AGMO: variants seen among roughly 807,000 people sequenced by gnomAD.
The protein encoded by AGMO is glyceryl-ether monooxygenase.
In AGMO, 75 loss-of-function variants were observed where a neutral mutation model predicts 60.2. The ratio of observed to expected loss-of-function variants is 1.25; its 90% CI spans 1.03 to 1.51. The LOEUF (loss-of-function observed/expected upper bound fraction) is 1.51. Among genes scored for constraint, AGMO ranks in the 40% most tolerant of loss-of-function variants. The pLI is 0.00. For synonymous variants in AGMO, 261 were observed against 177.1 expected (o/e 1.47, Z -3.76); for missense variants, 763 against 525.5 (o/e 1.45, Z -4.42).
chr7:15,359,873 A>G (rs963572255), intron 12 of AGMO, among the ~76,000 whole-genome samples: 2 of 152,246 alleles, frequency 1.3e-5, no homozygotes, highest in African/African-American at 4.8e-5. Context: ...ATAGAAAAAT[A>G]CTATAAATTC....
intron 12 of AGMO, among the ~76,000 whole-genome samples, chr7:15,293,413 T>C (rs1034101539): frequency 1.3e-5 from 2 of 152,092 alleles, no homozygotes; most frequent in African/African-American, 2.4e-5. Flanking sequence ...GTAAGGTGAA[T>C]ATGTGGGTAG....
intron 6 of AGMO, among the ~76,000 whole-genome samples, chr7:15,393,151 G>C (rs1038161419): frequency 1.3e-5 from 2 of 152,196 alleles, no homozygotes; most frequent in Non-Finnish European, 2.9e-5. Context: ...TGACTGTTGA[G>C]TTTGGAAGAG....
At chr7:15,297,652 A>G (rs1784442799) in intron 12 of AGMO, among the ~76,000 whole-genome samples, 1 of 152,172 alleles carries the variant, frequency 6.6e-6, no homozygotes, top group Non-Finnish European at 1.5e-5. Context: ...GAAAAGAAAA[A>G]TATCTAACTA....
At chr7:15,204,959 G>T (rs906618180) in intron 12 of AGMO, among the ~76,000 whole-genome samples, 8 of 151,932 alleles carry the variant, frequency 5.3e-5, no homozygotes, top group African/African-American at 1.9e-4. Context: ...TCCCTAGTTG[G>T]GCCTATAGGG....
chr7:15,180,259 C>CT, the AGMO span, among the ~76,000 whole-genome samples: 2 of 152,198 alleles, frequency 1.3e-5, no homozygotes, highest in South Asian at 4.1e-4. Context: ...GAAGTACAAT[C>CT]TTTAAGTTAT....
At chr7:15,175,349 G>A in the AGMO span, among the ~76,000 whole-genome samples, 1 of 151,760 alleles carries the variant, frequency 6.6e-6, no homozygotes, top group Non-Finnish European at 1.5e-5. Flanking sequence ...ACTCAGAATC[G>A]CCATAGTTAG....
chr7:15,297,896 A>G (rs775689890), intron 12 of AGMO, among the ~76,000 whole-genome samples: 12 of 152,192 alleles, frequency 7.9e-5, no homozygotes, highest in Non-Finnish European at 1.8e-4. Context: ...CAGGAAGGCT[A>G]TTCTTATTGG....
At chr7:15,149,106 GTA>G in the AGMO span, among the ~76,000 whole-genome samples, 1 of 152,022 alleles carries the variant, frequency 6.6e-6, no homozygotes, top group African/African-American at 2.4e-5. Context: ...CATTTTCCAT[GTA>G]TATGTCTTTT....
At position 15,201,356 on chromosome 7, in the gene AGMO, C is replaced by T; in HGVS notation, c.1267G>A (p.Val423Ile). ...VPSLSSAFEI[V>I]FSICIAFWGV... ...CAGAAAGCAATGCAAATGGAAAAAA[C>T]AATCTGAAGAAATAAAACACAAAGA... The change falls in exon 13 of 13, where the codon GTT (valine) becomes ATT (isoleucine). Residue 423 changes from valine to isoleucine, a missense_variant. Coordinates refer to ENST00000342526, the MANE Select transcript of AGMO (RefSeq NM_001004320.2). The T allele has an allele frequency of 6.2e-7, 1 of 1,609,316 alleles. No homozygotes were observed. The highest frequency in any genetic ancestry group is 1.1e-5 in the South Asian group (1 of 90,622).
In AGMO at chr7:15,298,781, G is replaced by A. The variant is rs147897834; in HGVS notation, c.1263+66733C>T. Among the ~76,000 whole-genome samples the A allele has an allele frequency of 3.6e-3, 546 of 152,214 alleles. 4 individuals are homozygous for A. The highest frequency in any genetic ancestry group is 0.012 in the African/African-American group (514 of 41,536). On this transcript the variant is annotated intron_variant, in intron 12 of 12. Coordinates refer to ENST00000342526, the MANE Select transcript of AGMO (RefSeq NM_001004320.2). Reference sequence around the variant, plus strand: ...TCATACCTGCCTCCAATCTAATAGAGAAACAATGACCATTCTATTCTTTTG... The same window carrying A: ...TCATACCTGCCTCCAATCTAATAGAAAAACAATGACCATTCTATTCTTTTG...
At chr7:15,384,120 G>C (rs1783813582) in intron 10 of AGMO, among the ~76,000 whole-genome samples, 1 of 152,104 alleles carries the variant, frequency 6.6e-6, no homozygotes, top group South Asian at 2.1e-4. Flanking sequence ...GTATTTTTCA[G>C]TAGAGACGTG....
chr7:15,431,275 G>T (rs1781231396), intron 3 of AGMO, among the ~76,000 whole-genome samples, 167 bp from the exon 4 acceptor site: 1 of 151,676 alleles, frequency 6.6e-6, no homozygotes, highest in African/African-American at 2.4e-5. Flanking sequence ...ATAATTTTTG[G>T]AACCAAAGAC....
intron 12 of AGMO, among the ~76,000 whole-genome samples, chr7:15,217,944 T>A (rs1275557424): frequency 2.6e-5 from 4 of 152,204 alleles, no homozygotes; most frequent in African/African-American, 9.6e-5. Context: ...AGAATTGTTA[T>A]GTAGGTAAAC....
intron 5 of AGMO, 141 bp downstream of exon 5, chr7:15,418,417 A>T: frequency 1.7e-6 from 1 of 599,956 alleles, no homozygotes; most frequent in South Asian, 2.1e-5. Flanking sequence ...ACTAAAAACG[A>T]ATAAAAATGA....
In AGMO at chr7:15,295,360, G is replaced by A. The variant is rs1442177060; in HGVS notation, c.1263+70154C>T. ...AGCAAAGCACTGTTCTAAATCTGAA[G>A]AAAGGGCAGCAGATAGACAATAAGC... On this transcript the variant is annotated intron_variant, in intron 12 of 12. Coordinates refer to ENST00000342526, the MANE Select transcript of AGMO (RefSeq NM_001004320.2). 2.0e-5 allele frequency among the ~76,000 whole-genome samples: 3 copies of A among 152,004 alleles called. No homozygotes were observed. The East Asian group carries it at 5.8e-4, about 29-fold the overall frequency.
rs1782007683 is a variant in AGMO, at chr7:15,345,679, C to T, written c.1263+19835G>A. Among the ~76,000 whole-genome samples, 5 of 152,094 alleles carry T rather than the reference C, an allele frequency of 3.3e-5. 1 individual carries two copies. In the South Asian group the frequency reaches 8.3e-4, roughly 25 times the overall value. ...CAGTTTTTAAATATTTACCATGTAC[C>T]CTAAGTTCTTTATACACAGAATTTC... On this transcript the variant is annotated intron_variant, in intron 12 of 12. Transcript: ENST00000342526.
intron 12 of AGMO, among the ~76,000 whole-genome samples, chr7:15,297,253 A>T (rs1784431210): frequency 6.6e-6 from 1 of 152,194 alleles, no homozygotes; most frequent in South Asian, 2.1e-4. Flanking sequence ...AACCCTACTG[A>T]CACAGAACTG....
chr7:15,496,786 G>C (rs1224355672), intron 3 of AGMO, among the ~76,000 whole-genome samples: 1 of 152,076 alleles, frequency 6.6e-6, no homozygotes, highest in African/African-American at 2.4e-5. Context: ...GTCAGAAATT[G>C]AATGAAATTA....
intron 12 of AGMO, among the ~76,000 whole-genome samples, chr7:15,314,607 A>T (rs1425034359): frequency 6.6e-6 from 1 of 152,184 alleles, no homozygotes; most frequent in Non-Finnish European, 1.5e-5. Flanking sequence ...TTAACTTCAA[A>T]AATGTTATTT....
Sources: gnomAD v4.1 joint callset for allele counts (sites outside exome capture counted in the v4.1 genomes callset) on GRCh38, gnomAD v4.1.1 for gene constraint, MANE v1.5 for transcripts, NCBI Gene and HGNC (gene_info 2026-07-23, HGNC 2026-07-21) for gene names.